Variants in VIPAS39 observed in about 807,000 individuals in gnomAD.
VIPAS39 encodes the protein VPS33B interacting protein, apical-basolateral polarity regulator, spe-39 homolog, also known as spermatogenesis-defective protein 39 homolog.
Under a neutral mutation model 84.7 loss-of-function variants are expected in VIPAS39, and 63 were observed. That is an observed-to-expected ratio of 0.74 (90% CI 0.61 to 0.92). The LOEUF (loss-of-function observed/expected upper bound fraction) is 0.92, where lower values mean the gene tolerates loss of function less well. VIPAS39 is among the 40% of genes least tolerant of loss of function. The pLI is 0.00. For synonymous variants in VIPAS39, 192 were observed against 216.5 expected, an observed-to-expected ratio of 0.89 and a Z score of 0.99; for missense variants, 499 against 604.5, an observed-to-expected ratio of 0.83 and a Z score of 1.83.
In VIPAS39 at chr14:77,444,317, A is replaced by G. The variant is rs2078752331; in HGVS notation, c.529T>C (p.Ser177Pro). Reference protein sequence around the residue: ...GKVCSLERFRSLQDKLQLLEE... With the variant: ...GKVCSLERFRPLQDKLQLLEE... ...AGGAGTTGTAGTTTGTCCTGTAAGG[A>G]GCGGAATCTCTCTAGTGAGCAAACC... Residue 177 changes from serine (S) to proline (P), a missense_variant, in exon 8 of 20, where the codon TCC (serine) becomes CCC (proline). Coordinates refer to ENST00000557658, the MANE Select transcript of VIPAS39 (RefSeq NM_001193315.2). 2 of 1,613,680 alleles carry G rather than the reference A, an allele frequency of 1.2e-6. No homozygotes were observed. Among genetic ancestry groups the G allele is most frequent in the African/African-American group, 1.3e-5 (1 of 74,932 alleles).
chr14:77,429,237 T>A, intron 17 of VIPAS39, 142 bp from the exon 18 acceptor site: 1 of 730,840 alleles, frequency 1.4e-6, no homozygotes, highest in East Asian at 2.8e-5. Context: ...ACAGGACTAG[T>A]TCTGCAATGG....
At position 77,442,614 on chromosome 14, in the gene VIPAS39, A is replaced by G; in HGVS notation, c.680T>C (p.Leu227Pro). Reference protein sequence around the residue: ...LEVRQVALRHLIHFLKEIGDQ... With the variant: ...LEVRQVALRHPIHFLKEIGDQ... ...CCCTATTTCCTTAAGGAAGTGAATA[A>G]GATGTCTCAGGGCAACCTGTCGCAC... is the stretch of plus-strand genomic sequence containing the variant. Residue 227 changes from leucine to proline, a missense_variant, in exon 10 of 20, where the codon CTT becomes CCT. Physicochemically the swap from Leu to Pro is moderately conservative, Grantham distance 98. Coordinates refer to ENST00000557658, the MANE Select transcript of VIPAS39 (RefSeq NM_001193315.2). The G allele has an allele frequency of 6.2e-7, 1 of 1,614,250 alleles. No homozygotes were observed. The highest frequency in any genetic ancestry group is 8.5e-7 in the Non-Finnish European group (1 of 1,180,044).
intron 5 of VIPAS39, 122 bp from the exon 6 acceptor site, chr14:77,449,479 C>A: frequency 7.4e-7 from 1 of 1,344,894 alleles, no homozygotes; most frequent in Non-Finnish European, 1.1e-6. Context: ...ACTTTATGGC[C>A]AAAAGCAGAT....
chr14:77,429,874 G>A (rs2078492930), intron 16 of VIPAS39, 107 bp from the exon 17 acceptor site: 1 of 930,000 alleles, frequency 1.1e-6, no homozygotes, highest in Non-Finnish European at 1.8e-6. Flanking sequence ...GGGTGAGTGG[G>A]GGTGCTGAGG....
chr14:77,449,714 C>T lies in VIPAS39; in HGVS notation c.382G>A (p.Ala128Thr). ...AATTAAAAGAGGGTTCAATGCCTAC[C>T]ATCAGAAAGGGACTGGAAACTTCCA... ...RPGSFQSLSD[A>T]LSDTPAKSYA... Residue 128 changes from alanine (A) to threonine (T), a missense_variant and splice_region_variant, in exon 5 of 20, where the codon GCT becomes ACT. Ala to Thr is a moderately conservative substitution (Grantham distance 58). Transcript: ENST00000557658. The T allele has an allele frequency of 3.1e-6, 5 of 1,614,096 alleles. No homozygotes were observed. Among genetic ancestry groups the T allele is most frequent in the Non-Finnish European group, 4.2e-6 (5 of 1,180,024 alleles).
intron 7 of VIPAS39, 72 bp from the exon 8 acceptor site, chr14:77,444,413 G>T: frequency 7.4e-7 from 1 of 1,352,874 alleles, no homozygotes; most frequent in Non-Finnish European, 1.0e-6. Context: ...GGATACTAAA[G>T]AATAAGCAAT....
At chr14:77,450,343 T>C (rs1282767710) in intron 4 of VIPAS39, among the ~76,000 whole-genome samples, 1 of 152,240 alleles carries the variant, frequency 6.6e-6, no homozygotes, top group Non-Finnish European at 1.5e-5. Flanking sequence ...TGCATGTATA[T>C]GGCACATTTT....
intron 18 of VIPAS39, 124 bp downstream of exon 18, chr14:77,428,882 T>A: frequency 1.2e-6 from 1 of 858,916 alleles, no homozygotes. Context: ...CTTGCCAGAT[T>A]ATTCTGTCCA....
chr14:77,449,648 AACTCCCCAG>A, intron 5 of VIPAS39, 57 bp downstream of exon 5: 1 of 1,598,392 alleles, frequency 6.3e-7, no homozygotes, highest in African/African-American at 1.3e-5. Flanking sequence ...CTGTCCCCAT[AACTCCCCAG>A]ACTGTACCAG....
chr14:77,456,350 A>G (rs1403817060), intron 1 of VIPAS39, among the ~76,000 whole-genome samples: 1 of 152,240 alleles, frequency 6.6e-6, no homozygotes, highest in African/African-American at 2.4e-5. Context: ...GCAATCCTAA[A>G]GATTAAAAAA....
In VIPAS39 at chr14:77,427,448, T is replaced by C. The variant is rs2078446910; in HGVS notation, c.*168A>G. ...GATCTCGATCCTCAGATGATGTTCC[T>C]TGGACAGAAGATCAGTCTGAAGTTA... On this transcript the variant is annotated 3_prime_UTR_variant, in exon 20 of 20. Coordinates refer to ENST00000557658, the MANE Select transcript of VIPAS39 (RefSeq NM_001193315.2). The C allele has an allele frequency of 2.2e-5, 16 of 743,878 alleles. No individual in the cohort carries two copies. In the East Asian group the frequency reaches 4.3e-4, roughly 20 times the overall value. The allele number at this position is 743,878 out of a possible 1,614,324, so 46.1% of individuals were successfully genotyped here. A position where few individuals can be genotyped will look rare whatever the true frequency, so the allele number is the denominator to read the frequency against.
chr14:77,430,358 A>T (rs2078501840), intron 16 of VIPAS39, among the ~76,000 whole-genome samples: 2 of 152,192 alleles, frequency 1.3e-5, no homozygotes, highest in African/African-American at 4.8e-5. Context: ...GATATTTAAA[A>T]CGTAAACTAA....
chr14:77,443,059 TCTCCCCTCGAATGTGGCAGA>T, intron 9 of VIPAS39, 40 bp downstream of exon 9: 1 of 1,606,646 alleles, frequency 6.2e-7, no homozygotes, highest in Non-Finnish European at 8.5e-7. Flanking sequence ...CACATGGCAT[TCTCCCCTCGAATGTGGCAGA>T]CACCTTGCTG....
intron 14 of VIPAS39, 125 bp downstream of exon 14, chr14:77,435,134 C>G: frequency 6.7e-7 from 1 of 1,491,042 alleles, no homozygotes; most frequent in South Asian, 1.1e-5. Context: ...GCCAGGAAAG[C>G]TTCCAGGTGG....
Position 77,429,083 on chromosome 14 carries a change from A to T in VIPAS39, c.1279T>A (p.Tyr427Asn). Residue 427 changes from tyrosine to asparagine, a missense_variant, in exon 18 of 20, where the codon TAT (tyrosine) becomes AAT (asparagine). Coordinates refer to ENST00000557658, the MANE Select transcript of VIPAS39 (RefSeq NM_001193315.2). ...TCCACATCTTCCACCAGATTGACATACTCCTGTAATATCTGTGGGAAGAGG... is the reference window on the plus strand; with the variant it reads ...TCCACATCTTCCACCAGATTGACATTCTCCTGTAATATCTGTGGGAAGAGG... ...NNAPVQILQE[Y>N]VNLVEDVDTK... 1 of 1,613,666 alleles carries T rather than the reference A, an allele frequency of 6.2e-7. No homozygotes were observed. The highest frequency in any genetic ancestry group is 8.5e-7 in the Non-Finnish European group (1 of 1,179,754).
intron 12 of VIPAS39, among the ~76,000 whole-genome samples, chr14:77,436,961 T>C (rs982160746): frequency 3.9e-5 from 6 of 152,258 alleles, no homozygotes; most frequent in Non-Finnish European, 4.4e-5. Flanking sequence ...TAGTGAATTT[T>C]TAGAAGAGAT....
chr14:77,430,589 T>A (rs989001692), intron 16 of VIPAS39, among the ~76,000 whole-genome samples: 3 of 151,912 alleles, frequency 2.0e-5, no homozygotes, highest in African/African-American at 4.8e-5. Flanking sequence ...GGGTGGCGCA[T>A]GCCTTTAATC....
intron 16 of VIPAS39, among the ~76,000 whole-genome samples, chr14:77,431,925 C>T (rs1332659612): frequency 6.6e-6 from 1 of 151,882 alleles, no homozygotes; most frequent in East Asian, 1.9e-4. Context: ...TAAAAAATAG[C>T]CAAGATAAGG....
intron 1 of VIPAS39, 106 bp downstream of exon 1, chr14:77,457,389 T>C (rs1417438886): frequency 6.5e-7 from 1 of 1,531,746 alleles, no homozygotes; most frequent in Non-Finnish European, 8.7e-7. Flanking sequence ...ATCAGGCCTG[T>C]AGTCATAGGG....
Sources: allele counts gnomAD v4.1 joint callset (sites outside exome capture counted in the v4.1 genomes callset), GRCh38; gene constraint gnomAD v4.1.1; transcripts MANE v1.5; gene names NCBI Gene and HGNC (gene_info 2026-07-23, HGNC 2026-07-21).